Variants in C16orf74 observed in about 807,000 individuals in gnomAD.
C16orf74 encodes the protein calcimembrin.
C16orf74 carries 10 observed loss-of-function variants against 6.5 expected under a neutral mutation model. That is an observed-to-expected ratio of 1.54 (90% CI 0.95 to 2.61). The LOEUF is 2.61. Ranked by LOEUF, C16orf74 falls within the 30% of genes most tolerant of loss-of-function variation. C16orf74 has a pLI of 0.00. For synonymous variants in C16orf74, 60 were observed against 42.5 expected, an observed-to-expected ratio of 1.41 and a Z score of -1.60; for missense variants, 141 against 105.9, an observed-to-expected ratio of 1.33 and a Z score of -1.45.
chr16:85,749,026 G>A (rs986163457), intron 1 of C16orf74, among the ~76,000 whole-genome samples: 1 of 149,384 alleles, frequency 6.7e-6, no homozygotes, highest in Non-Finnish European at 1.5e-5. Context: ...GGTGATGCTC[G>A]TGCCTCACCC....
intron 1 of C16orf74, among the ~76,000 whole-genome samples, chr16:85,735,507 G>T (rs879615631): frequency 6.6e-6 from 1 of 152,138 alleles, no homozygotes; most frequent in Non-Finnish European, 1.5e-5. Context: ...GGCTCTGTGA[G>T]GTCACTTGAA....
At chr16:85,735,709 T>A (rs2054237119) in intron 1 of C16orf74, among the ~76,000 whole-genome samples, 1 of 150,828 alleles carries the variant, frequency 6.6e-6, no homozygotes, top group Non-Finnish European at 1.5e-5. Flanking sequence ...CTAATGCAGG[T>A]TCTTTGGAGA....
intron 1 of C16orf74, among the ~76,000 whole-genome samples, chr16:85,739,987 A>C (rs555654315): frequency 6.6e-6 from 1 of 151,560 alleles, no homozygotes; most frequent in Non-Finnish European, 1.5e-5. Flanking sequence ...AGGCGGGTGG[A>C]TCGCCTGAGG....
intron 1 of C16orf74, among the ~76,000 whole-genome samples, chr16:85,740,901 T>C (rs1001283816): frequency 5.3e-5 from 8 of 150,152 alleles, no homozygotes; most frequent in Non-Finnish European, 1.2e-4. Flanking sequence ...TTCCGTAACT[T>C]AACTCTCAAA....
At chr16:85,742,567 C>T (rs1198334351) in intron 1 of C16orf74, among the ~76,000 whole-genome samples, 1 of 152,018 alleles carries the variant, frequency 6.6e-6, no homozygotes, top group Non-Finnish European at 1.5e-5. Flanking sequence ...TGGAGACACA[C>T]TTTCACTCTT....
At chr16:85,715,726 C>T (rs2054016841) in intron 2 of C16orf74, among the ~76,000 whole-genome samples, 1 of 152,148 alleles carries the variant, frequency 6.6e-6, no homozygotes, top group South Asian at 2.1e-4. Flanking sequence ...GTTGCCAATC[C>T]CTGCTCTATA....
In C16orf74 at chr16:85,738,992, C is replaced by T. The variant is rs59393687; in HGVS notation, c.-18-3757G>A. Among the ~76,000 whole-genome samples, 1,057 of 152,302 alleles carry T rather than the reference C, an allele frequency of 6.9e-3. 13 individuals carry two copies. The highest frequency in any genetic ancestry group is 0.024 in the African/African-American group (991 of 41,566). ...CCAGAACTTTGGACTCTAGAGCCCA[C>T]GCTTTTAGTGACCAGGCAGACCTGG... On this transcript the variant is annotated intron_variant, in intron 1 of 3. Coordinates refer to ENST00000284245, the MANE Select transcript of C16orf74 (RefSeq NM_206967.3).
intron 1 of C16orf74, among the ~76,000 whole-genome samples, chr16:85,739,738 G>C (rs373467632): frequency 6.6e-6 from 1 of 152,110 alleles, no homozygotes; most frequent in Admixed American, 6.5e-5. Flanking sequence ...TGAAGTGGAG[G>C]CTACAGTGAG....
At chr16:85,731,517 C>A (rs1437754254) in intron 2 of C16orf74, among the ~76,000 whole-genome samples, 3 of 152,180 alleles carry the variant, frequency 2.0e-5, no homozygotes, top group Non-Finnish European at 4.4e-5. Flanking sequence ...GGCAGAGGGC[C>A]TGGGTCCTGG....
chr16:85,737,488 A>C (rs759087368), intron 1 of C16orf74, among the ~76,000 whole-genome samples: 1 of 152,234 alleles, frequency 6.6e-6, no homozygotes, highest in Non-Finnish European at 1.5e-5. Flanking sequence ...ACTTGGGGCC[A>C]AGAGTACAAG....
intron 2 of C16orf74, among the ~76,000 whole-genome samples, chr16:85,713,250 T>C (rs919556093): frequency 1.3e-5 from 2 of 152,030 alleles, no homozygotes; most frequent in African/African-American, 4.8e-5. Flanking sequence ...GTATTCTCCC[T>C]GCGTCTTGTC....
chr16:85,714,796 T>C (rs1175486123), intron 2 of C16orf74, among the ~76,000 whole-genome samples: 1 of 151,686 alleles, frequency 6.6e-6, no homozygotes, highest in Admixed American at 6.6e-5. Context: ...TCCGAGCCCC[T>C]CAGCGGCACC....
chr16:85,732,775 G>C lies in C16orf74; in HGVS notation c.28+2415C>G, dbSNP rs533699518. On this transcript the variant is annotated intron_variant, in intron 2 of 3. Coordinates refer to ENST00000284245, the MANE Select transcript of C16orf74 (RefSeq NM_206967.3). The stretch of plus-strand genomic sequence containing the variant: ...ACCTCCAGAGACCCAGGCTGGGCGA[G>C]TGGGGGTGGGCAGGGGCCGGCAGCA... Among the ~76,000 whole-genome samples, 3 of 152,194 alleles carry C rather than the reference G, an allele frequency of 2.0e-5. No homozygotes were observed. In the East Asian group the frequency reaches 5.8e-4, roughly 29 times the overall value.
intron 2 of C16orf74, among the ~76,000 whole-genome samples, chr16:85,726,379 G>A (rs900654262): frequency 6.6e-6 from 1 of 152,306 alleles, no homozygotes; most frequent in Middle Eastern, 3.4e-3. Context: ...GCTCTGTCCC[G>A]CACTGGAAGG....
chr16:85,727,519 A>T (rs960200214), intron 2 of C16orf74, among the ~76,000 whole-genome samples: 1 of 152,228 alleles, frequency 6.6e-6, no homozygotes, highest in African/African-American at 2.4e-5. Context: ...CATTAATAAT[A>T]ACAGATCTGG....
chr16:85,747,883 C>T (rs2054391157), intron 1 of C16orf74, among the ~76,000 whole-genome samples: 1 of 151,912 alleles, frequency 6.6e-6, no homozygotes, highest in Non-Finnish European at 1.5e-5. Flanking sequence ...GTCAGCAGTT[C>T]AAGACCAGCC....
chr16:85,750,700 G>A (rs2054428001), intron 1 of C16orf74, among the ~76,000 whole-genome samples: 1 of 152,172 alleles, frequency 6.6e-6, no homozygotes, highest in African/African-American at 2.4e-5. Flanking sequence ...GTTGCAGCGC[G>A]GCCAGAGCCG....
intron 2 of C16orf74, among the ~76,000 whole-genome samples, chr16:85,728,887 C>A (rs1295905010): frequency 6.6e-6 from 1 of 152,202 alleles, no homozygotes; most frequent in Non-Finnish European, 1.5e-5. Flanking sequence ...TGCCAGTGGT[C>A]CTCAAAGTTA....
intron 1 of C16orf74, among the ~76,000 whole-genome samples, chr16:85,737,956 T>C (rs1469891711): frequency 7.3e-6 from 1 of 136,558 alleles, no homozygotes; most frequent in Admixed American, 9.2e-5. Flanking sequence ...TGAATTTTTT[T>C]TGTGATTTTT....
Sources: gnomAD v4.1 joint callset for allele counts (sites outside exome capture counted in the v4.1 genomes callset) on GRCh38, gnomAD v4.1.1 for gene constraint, MANE v1.5 for transcripts, NCBI Gene and HGNC (gene_info 2026-07-23, HGNC 2026-07-21) for gene names.